KLF12: variants seen among roughly 807,000 people sequenced by gnomAD.
The protein encoded by KLF12 is Krueppel-like factor 12.
A neutral mutation model predicts 37.8 loss-of-function variants in KLF12; 9 were observed. The ratio of observed to expected loss-of-function variants is 0.24; its 90% CI spans 0.14 to 0.42. The LOEUF (loss-of-function observed/expected upper bound fraction) is 0.42. KLF12 is among the 10% of genes least tolerant of loss of function. The pLI is 1.00. For missense variants in KLF12, 411 were observed against 516.0 expected, an observed-to-expected ratio of 0.80 and a Z score of 1.97; for synonymous variants, 208 against 202.1, an observed-to-expected ratio of 1.03 and a Z score of -0.25.
chr13:73,937,622 G>A (rs1028205031), intron 3 of KLF12, among the ~76,000 whole-genome samples: 3 of 152,158 alleles, frequency 2.0e-5, no homozygotes, highest in Admixed American at 2.0e-4. Flanking sequence ...GGTGGCAGGA[G>A]AATTAAGTTG....
At chr13:74,119,662 A>C (rs1877510142) in intron 1 of KLF12, among the ~76,000 whole-genome samples, 1 of 152,174 alleles carries the variant, frequency 6.6e-6, no homozygotes, top group Non-Finnish European at 1.5e-5. Flanking sequence ...TTCAGACTAA[A>C]ACTTGAATAG....
chr13:74,121,475 A>G (rs1447403136), intron 1 of KLF12, among the ~76,000 whole-genome samples: 6 of 152,072 alleles, frequency 3.9e-5, no homozygotes, highest in African/African-American at 1.4e-4. Flanking sequence ...AACAAAACAA[A>G]CAAGCAAACA....
At chr13:73,906,718 A>C (rs1888317576) in intron 3 of KLF12, among the ~76,000 whole-genome samples, 1 of 152,116 alleles carries the variant, frequency 6.6e-6, no homozygotes, top group Non-Finnish European at 1.5e-5. Flanking sequence ...CTCCTCATCA[A>C]GTTGGTGAAA....
chr13:73,767,233 C>T (rs533859871), intron 5 of KLF12, among the ~76,000 whole-genome samples: 3 of 152,224 alleles, frequency 2.0e-5, no homozygotes, highest in African/African-American at 7.2e-5. Context: ...CATCTTCTGC[C>T]TTCTTTCCAC....
intron 5 of KLF12, among the ~76,000 whole-genome samples, chr13:73,812,608 T>A (rs530336229): frequency 1.3e-5 from 2 of 152,166 alleles, no homozygotes; most frequent in Admixed American, 6.5e-5. Context: ...GGTTGACTGA[T>A]AGAAAAGCAG....
intron 3 of KLF12, among the ~76,000 whole-genome samples, chr13:73,868,527 A>T (rs765454134): frequency 8.6e-5 from 13 of 151,788 alleles, no homozygotes; most frequent in Non-Finnish European, 1.5e-4. Flanking sequence ...AGTAGCTGGG[A>T]CTACAGGTGC....
Position 73,845,851 on chromosome 13 carries a change from C to T in KLF12, c.646G>A (p.Glu216Lys). ...CCTTTGCCATGGCCTCTCCCATCCT[C>T]CAAAAGCGGCACGACAATAGTGTTG... Residue 216 changes from glutamate to lysine, a missense_variant, in exon 4 of 8, where the codon GAG becomes AAG. By Grantham distance (56) the Glu-to-Lys change is moderately conservative. Around this residue, in one of 2 missense-constraint regions of KLF12, gnomAD observed 351 missense variants for 397.8 expected, o/e 0.88. Transcript: ENST00000377669. 1 of 1,613,934 alleles carries T rather than the reference C, an allele frequency of 6.2e-7. No individual in the cohort carries two copies.
intron 3 of KLF12, among the ~76,000 whole-genome samples, chr13:73,904,473 T>TG (rs1160452139): frequency 7.4e-6 from 1 of 134,488 alleles, no homozygotes; most frequent in Admixed American, 7.1e-5. Context: ...TCTTTCCTTT[T>TG]TTTTTTTTTT....
At chr13:74,020,847 C>T (rs903665255) in intron 1 of KLF12, among the ~76,000 whole-genome samples, 27 of 150,348 alleles carry the variant, frequency 1.8e-4, no homozygotes, top group Admixed American at 7.3e-4. Flanking sequence ...GTGAAGATCA[C>T]GCCACTGCAC....
chr13:74,178,423 C>A, the KLF12 span, among the ~76,000 whole-genome samples: 1 of 152,104 alleles, frequency 6.6e-6, no homozygotes, highest in Non-Finnish European at 1.5e-5. Context: ...AAGGTCAGAA[C>A]AAATATAAGC....
At chr13:74,219,033 C>A in the KLF12 span, among the ~76,000 whole-genome samples, 1 of 151,476 alleles carries the variant, frequency 6.6e-6, no homozygotes, top group Non-Finnish European at 1.5e-5. Context: ...GTGACCTCAG[C>A]TCACTGCTCC....
chr13:74,205,610 A>G, the KLF12 span, among the ~76,000 whole-genome samples: 1 of 152,182 alleles, frequency 6.6e-6, no homozygotes, highest in African/African-American at 2.4e-5. Flanking sequence ...CATATAGTTG[A>G]TGACTGACTT....
At chr13:73,954,181 T>C (rs905750638) in intron 2 of KLF12, among the ~76,000 whole-genome samples, 2 of 151,982 alleles carry the variant, frequency 1.3e-5, no homozygotes, top group Admixed American at 6.5e-5. Context: ...GGTTTCACCA[T>C]GTTAGCCAGG....
At chr13:73,833,923 C>T (rs1262273075) in intron 4 of KLF12, among the ~76,000 whole-genome samples, 1 of 152,080 alleles carries the variant, frequency 6.6e-6, no homozygotes, top group Non-Finnish European at 1.5e-5. Context: ...TGCACGTCTA[C>T]ACTGGCCACA....
chr13:74,153,857 C>G, the KLF12 span, among the ~76,000 whole-genome samples: 2 of 152,102 alleles, frequency 1.3e-5, no homozygotes, highest in South Asian at 4.2e-4. Flanking sequence ...AATTTTTAAC[C>G]CTTTACTTTC....
the KLF12 span, among the ~76,000 whole-genome samples, chr13:74,238,515 G>C: frequency 1.5e-5 from 2 of 136,844 alleles, no homozygotes; most frequent in East Asian, 4.0e-4. Flanking sequence ...AGAAGGAATG[G>C]TACCAGTTCC....
chr13:73,936,552 GCTCT>G (rs1158255386), intron 3 of KLF12, among the ~76,000 whole-genome samples: 2 of 152,104 alleles, frequency 1.3e-5, no homozygotes, highest in Admixed American at 1.3e-4. Context: ...GATCTCCAGA[GCTCT>G]CTCTTTGTGC....
intron 1 of KLF12, among the ~76,000 whole-genome samples, chr13:74,054,992 A>G (rs1426162038): frequency 2.0e-5 from 3 of 152,210 alleles, no homozygotes; most frequent in Non-Finnish European, 4.4e-5. Context: ...ACATCAGAAC[A>G]TCGCGATGAA....
chr13:73,996,268 T>TA (rs1191792357), intron 1 of KLF12, among the ~76,000 whole-genome samples: 4 of 152,266 alleles, frequency 2.6e-5, no homozygotes, highest in Non-Finnish European at 5.9e-5. Context: ...AGTGGCAGAC[T>TA]AAAAACATTC....
Sources: gnomAD v4.1 joint callset for allele counts (sites outside exome capture counted in the v4.1 genomes callset) on GRCh38, gnomAD v4.1.1 for gene constraint, gnomAD v4.1.1 regional missense constraint, MANE v1.5 for transcripts, NCBI Gene and HGNC (gene_info 2026-07-23, HGNC 2026-07-21) for gene names.